The following CDH4 variants were observed in gnomAD, a reference collection of about 807,000 sequenced individuals.
CDH4 encodes the protein cadherin-4.
A neutral mutation model predicts 86.0 loss-of-function variants in CDH4; 33 were observed. The ratio of observed to expected loss-of-function variants is 0.38; its 90% CI spans 0.29 to 0.51. The LOEUF is 0.51. CDH4 is among the 20% of genes least tolerant of loss of function. CDH4 has a pLI of 0.86. For missense variants in CDH4, 1,114 were observed against 1,307.4 expected (o/e 0.85, Z 2.28); for synonymous variants, 555 against 549.4 (o/e 1.01, Z -0.14).
chr20:61,599,769 G>T (rs1220564665), intron 2 of CDH4: 1 of 985,596 alleles, frequency 1.0e-6, no homozygotes, highest in African/African-American at 1.7e-5. Flanking sequence ...ACGCACTGGC[G>T]CTCTGGCTTT....
At chr20:61,889,819 G>A (rs1202511669) in intron 7 of CDH4, among the ~76,000 whole-genome samples, 1 of 150,668 alleles carries the variant, frequency 6.6e-6, no homozygotes, top group African/African-American at 2.4e-5. Flanking sequence ...ATGGATGGGT[G>A]GATGGATGGT....
chr20:61,859,945 G>A lies in CDH4; in HGVS notation c.877+7047G>A, dbSNP rs142461164. ...GCAGGGGTTCTGCCATGCTGTCCAC[G>A]GCACTGCCGCGTGACCACAGCATGG... is the stretch of plus-strand genomic sequence containing the variant. On this transcript the variant is annotated intron_variant, in intron 6 of 15. Transcript: ENST00000614565. 2.5e-3 allele frequency among the ~76,000 whole-genome samples: 385 copies of A among 152,342 alleles called. 3 individuals are homozygous for A. The highest frequency in any genetic ancestry group is 8.0e-3 in the African/African-American group (332 of 41,580).
intron 2 of CDH4, among the ~76,000 whole-genome samples, chr20:61,256,628 C>A (rs1423430927): frequency 6.6e-6 from 1 of 152,202 alleles, no homozygotes; most frequent in East Asian, 1.9e-4. Flanking sequence ...GGCCAAGAGT[C>A]ACATGCCCCT....
At chr20:61,898,110 G>C (rs1454221730) in intron 8 of CDH4, among the ~76,000 whole-genome samples, 3 of 152,212 alleles carry the variant, frequency 2.0e-5, no homozygotes, top group Non-Finnish European at 4.4e-5. Context: ...TCCTCCTAGA[G>C]ATGGGTGACA....
chr20:61,527,441 G>T (rs932062122), intron 2 of CDH4, among the ~76,000 whole-genome samples: 1 of 152,122 alleles, frequency 6.6e-6, no homozygotes, highest in Non-Finnish European at 1.5e-5. Context: ...GTAGAGACAG[G>T]GTTTCACCCT....
At chr20:61,316,739 C>T (rs1015475735) in intron 2 of CDH4, among the ~76,000 whole-genome samples, 5 of 152,338 alleles carry the variant, frequency 3.3e-5, no homozygotes, top group African/African-American at 4.8e-5. Context: ...ACTTTGCTGT[C>T]GTTAGAGCCG....
intron 4 of CDH4, among the ~76,000 whole-genome samples, chr20:61,802,411 G>A (rs553758110): frequency 1.0e-3 from 154 of 152,354 alleles, no homozygotes; most frequent in Admixed American, 1.8e-3. Context: ...AGTTGTGCCT[G>A]AGAAAGTATG....
intron 9 of CDH4, among the ~76,000 whole-genome samples, 189 bp downstream of exon 9, chr20:61,910,796 G>A (rs2054842856): frequency 6.6e-6 from 1 of 152,132 alleles, no homozygotes; most frequent in South Asian, 2.1e-4. Context: ...GTGACCTTCA[G>A]GGGCTTGGCA....
At chr20:61,867,717 C>T (rs979092745) in intron 6 of CDH4, among the ~76,000 whole-genome samples, 8 of 152,060 alleles carry the variant, frequency 5.3e-5, no homozygotes, top group African/African-American at 1.2e-4. Flanking sequence ...AGGCAGGAGG[C>T]GAGCAGAGGA....
At chr20:61,804,144 T>A in intron 4 of CDH4, among the ~76,000 whole-genome samples, 1 of 152,234 alleles carries the variant, frequency 6.6e-6, no homozygotes, top group East Asian at 1.9e-4. Flanking sequence ...AACAGCAGTT[T>A]GCAGGATGTC....
Position 61,935,618 on chromosome 20 carries a change from G to A in CDH4, c.2545-1119G>A, listed in dbSNP as rs932958670. 5.9e-5 allele frequency among the ~76,000 whole-genome samples: 9 copies of A among 152,040 alleles called. 1 individual carries two copies. Among genetic ancestry groups the A allele is most frequent in the Admixed American group, 2.0e-4 (3 of 15,282 alleles). On this transcript the variant is annotated intron_variant, in intron 15 of 15. Transcript: ENST00000614565. ...ATTAAAAATACAAAAATTAGCCGGC[G>A]TGGTGGCCTGTAATCCCAACACTTT...
At chr20:61,557,966 A>T (rs777033406) in intron 2 of CDH4, among the ~76,000 whole-genome samples, 35 of 152,302 alleles carry the variant, frequency 2.3e-4, no homozygotes, top group Non-Finnish European at 4.1e-4. Context: ...AGCTGTGACA[A>T]TAAAATGGTT....
intron 2 of CDH4, among the ~76,000 whole-genome samples, chr20:61,648,535 G>A (rs2087089344): frequency 6.6e-6 from 1 of 152,168 alleles, no homozygotes; most frequent in South Asian, 2.1e-4. Context: ...GTATGGGGTG[G>A]GGATTTGGAA....
At chr20:61,309,865 C>T (rs2084436372) in intron 2 of CDH4, among the ~76,000 whole-genome samples, 1 of 152,106 alleles carries the variant, frequency 6.6e-6, no homozygotes, top group Admixed American at 6.6e-5. Context: ...ACTTGGGAGC[C>T]TTAGGGATTT....
At chr20:61,700,277 C>T (rs1370714961) in intron 2 of CDH4, among the ~76,000 whole-genome samples, 1 of 152,228 alleles carries the variant, frequency 6.6e-6, no homozygotes, top group Non-Finnish European at 1.5e-5. Context: ...GAGCGCTCAG[C>T]ATCGACAGGG....
intron 2 of CDH4, among the ~76,000 whole-genome samples, chr20:61,627,128 G>T (rs894306997): frequency 3.3e-5 from 5 of 152,240 alleles, no homozygotes; most frequent in African/African-American, 1.2e-4. Context: ...GGGGGCAGCA[G>T]GAGAGGGGCA....
intron 2 of CDH4, among the ~76,000 whole-genome samples, chr20:61,686,290 G>A (rs1418504268): frequency 1.3e-5 from 2 of 152,248 alleles, no homozygotes; most frequent in African/African-American, 4.8e-5. Flanking sequence ...TGGGAGGCCT[G>A]CCTGTGAGTG....
rs189544731 is a variant in CDH4 at position 61,787,933 on chromosome 20, T to G, written c.576+14751T>G. ...GGGTGAGAGAGAAGAACTGAGAGAG[T>G]GTCAAGGCCAGGTCACTCAGGGGCG... On this transcript the variant is annotated intron_variant, in intron 4 of 15. Coordinates refer to ENST00000614565, the MANE Select transcript of CDH4 (RefSeq NM_001794.5). 3.3e-3 allele frequency among the ~76,000 whole-genome samples: 502 copies of G among 151,490 alleles called. 3 individuals carry two copies. The highest frequency in any genetic ancestry group is 5.8e-3 in the Non-Finnish European group (396 of 67,778).
chr20:61,385,237 C>G (rs1054796633), intron 2 of CDH4, among the ~76,000 whole-genome samples: 1 of 152,136 alleles, frequency 6.6e-6, no homozygotes, highest in South Asian at 2.1e-4. Context: ...AGGGTTTAAC[C>G]TTATACGGAG....
Sources: allele counts gnomAD v4.1 joint callset (sites outside exome capture counted in the v4.1 genomes callset), GRCh38; gene constraint gnomAD v4.1.1; transcripts MANE v1.5; gene names NCBI Gene and HGNC (gene_info 2026-07-23, HGNC 2026-07-21).